MTMR9: variants seen among roughly 807,000 people sequenced by gnomAD.
MTMR9 encodes myotubularin-related protein 9.
A neutral mutation model predicts 69.5 loss-of-function variants in MTMR9; 39 were observed. That is an observed-to-expected ratio of 0.56 (90% CI 0.43 to 0.73). The LOEUF (loss-of-function observed/expected upper bound fraction) is 0.73. MTMR9 is among the 30% of genes least tolerant of loss of function. MTMR9 has a pLI of 0.00. For missense variants in MTMR9, 900 were observed against 671.2 expected (o/e 1.34, Z -3.77); for synonymous variants, 354 against 240.8 (o/e 1.47, Z -4.35).
At chr8:11,302,731 G>C (rs1799794415) in intron 3 of MTMR9, among the ~76,000 whole-genome samples, 1 of 152,050 alleles carries the variant, frequency 6.6e-6, no homozygotes, top group African/African-American at 2.4e-5. Context: ...AAAATACAGG[G>C]TATAGGGATT....
At chr8:11,309,726 G>T (rs182211800) in intron 6 of MTMR9, 38 bp downstream of exon 6, 5 of 1,601,446 alleles carry the variant, frequency 3.1e-6, no homozygotes, top group South Asian at 2.2e-5. Flanking sequence ...GAAACATGGC[G>T]CTGCTAACTA....
intron 1 of MTMR9, among the ~76,000 whole-genome samples, chr8:11,287,754 T>A (rs1460486998): frequency 1.5e-5 from 2 of 132,924 alleles, no homozygotes; most frequent in East Asian, 4.0e-4. Context: ...TCTTATATAT[T>A]TATTATTTAT....
At chr8:11,298,393 A>G (rs535304805) in intron 2 of MTMR9, among the ~76,000 whole-genome samples, 63 of 151,980 alleles carry the variant, frequency 4.1e-4, no homozygotes, top group African/African-American at 1.4e-3. Context: ...ATATATATAT[A>G]TATATTTATA....
intron 5 of MTMR9, 66 bp downstream of exon 5, chr8:11,306,473 C>T (rs532917556): frequency 2.2e-4 from 306 of 1,416,538 alleles, no homozygotes; most frequent in Non-Finnish European, 2.9e-4. Flanking sequence ...AGGCCTTAGC[C>T]ATTTGAAAAT....
At chr8:11,331,168 C>T, downstream of MTMR9, 1 of 1,613,102 alleles carries the variant, frequency 6.2e-7, no homozygotes, top group Non-Finnish European at 8.5e-7. Context: ...CCGCCCTCCG[C>T]TCCACCCAGC....
chr8:11,315,822 A>C (rs895072348), intron 7 of MTMR9: 3 of 152,258 alleles, frequency 2.0e-5, no homozygotes, highest in African/African-American at 4.8e-5. Flanking sequence ...TATATTCCTC[A>C]TGATGCATAG....
chr8:11,338,199 G>A, the MTMR9 span, among the ~76,000 whole-genome samples: 1 of 152,240 alleles, frequency 6.6e-6, no homozygotes, highest in Non-Finnish European at 1.5e-5. Flanking sequence ...AAGTGGGGAT[G>A]CCAGAACTTC....
At chr8:11,298,912 C>G (rs1250390366) in intron 2 of MTMR9, 14 of 979,346 alleles carry the variant, frequency 1.4e-5, no homozygotes, top group Non-Finnish European at 1.7e-5. Context: ...GAGTTATTGC[C>G]CCCATTTGAG....
chr8:11,338,642 G>T, the MTMR9 span, among the ~76,000 whole-genome samples: 1 of 152,198 alleles, frequency 6.6e-6, no homozygotes. Flanking sequence ...GGCAGCCAAG[G>T]AGGTCACTGC....
Position 11,306,312 on chromosome 8 carries a change from C to G in MTMR9, c.714C>G (p.Ser238=), listed in dbSNP as rs1434151799. The change falls in exon 5 of 10, where the codon TCC becomes TCG. Residue 238 remains serine, a synonymous_variant. Coordinates refer to ENST00000221086, the MANE Select transcript of MTMR9 (RefSeq NM_015458.4). ...GKRGYIIDTR[S]LNVAQQTRAK... Reference sequence around the variant, plus strand: ...GTGGCTACATCATTGACACCCGATCCCTGAACGTGGCTCAGCAAACTAGAG... The same window carrying G: ...GTGGCTACATCATTGACACCCGATCGCTGAACGTGGCTCAGCAAACTAGAG... 2.0e-5 allele frequency: 33 copies of G among 1,614,066 alleles called. No individual in the cohort carries two copies. The highest frequency in any genetic ancestry group is 2.6e-5 in the Non-Finnish European group (31 of 1,179,964).
chr8:11,314,809 T>C, intron 6 of MTMR9, 114 bp from the exon 7 acceptor site: 1 of 962,122 alleles, frequency 1.0e-6, no homozygotes, highest in East Asian at 2.4e-5. Context: ...ATACACTAAA[T>C]AAACTGAACT....
intron 3 of MTMR9, among the ~76,000 whole-genome samples, chr8:11,303,269 G>A (rs572939133): frequency 9.3e-5 from 14 of 150,750 alleles, no homozygotes; most frequent in African/African-American, 3.2e-4. Flanking sequence ...CAGTACATTT[G>A]GACCAACAGA....
At chr8:11,292,456 G>A (rs1799406942) in intron 1 of MTMR9, among the ~76,000 whole-genome samples, 1 of 152,156 alleles carries the variant, frequency 6.6e-6, no homozygotes, top group African/African-American at 2.4e-5. Flanking sequence ...ACATACCTAT[G>A]AGCAGTGTGT....
the MTMR9 span, among the ~76,000 whole-genome samples, chr8:11,339,453 G>T: frequency 2.0e-5 from 3 of 152,234 alleles, no homozygotes; most frequent in Non-Finnish European, 4.4e-5. Flanking sequence ...GAACAGGGAT[G>T]AGCAAACCCA....
At chr8:11,321,543 G>C (rs1800691214) in intron 9 of MTMR9, 1 of 455,532 alleles carries the variant, frequency 2.2e-6, no homozygotes, top group Non-Finnish European at 4.4e-6. Context: ...CTTGTTCTGT[G>C]GATTAAGTCC....
At chr8:11,294,275 G>C (rs1182133421) in intron 1 of MTMR9, among the ~76,000 whole-genome samples, 1 of 152,082 alleles carries the variant, frequency 6.6e-6, no homozygotes, top group East Asian at 1.9e-4. Flanking sequence ...TTGACTAGAA[G>C]TGGTGACAGT....
downstream of MTMR9, chr8:11,331,551 C>A: frequency 6.2e-7 from 1 of 1,613,804 alleles, no homozygotes; most frequent in Non-Finnish European, 8.5e-7. Flanking sequence ...CACCCTCTGC[C>A]TTGAGAGCCA....
chr8:11,326,994 A>G lies in MTMR9; in HGVS notation c.*4206A>G, dbSNP rs1205534223. 3 of 149,896 alleles carry G rather than the reference A, an allele frequency of 2.0e-5. No individual in the cohort carries two copies. The highest frequency in any genetic ancestry group is 4.4e-5 in the Non-Finnish European group (3 of 67,610). 9.3% of individuals were successfully genotyped at this position (149,896 alleles called of 1,614,324 possible). A position where few individuals can be genotyped will look rare whatever the true frequency, so the allele number is the denominator to read the frequency against. ...CAAAAAAAAAAAAAAAAAAAGACTC[A>G]TTTATCCATTTACATTTATTCTCAG... On this transcript the variant is annotated 3_prime_UTR_variant, in exon 10 of 10. Coordinates refer to ENST00000221086, the MANE Select transcript of MTMR9 (RefSeq NM_015458.4).
chr8:11,285,156 C>A, intron 1 of MTMR9, 86 bp downstream of exon 1: 1 of 1,329,576 alleles, frequency 7.5e-7, no homozygotes, highest in Non-Finnish European at 1.0e-6. Flanking sequence ...GTTTTCCGCG[C>A]AGCCTGCCGC....
Sources: allele counts gnomAD v4.1 joint callset (sites outside exome capture counted in the v4.1 genomes callset), GRCh38; gene constraint gnomAD v4.1.1; transcripts MANE v1.5; gene names NCBI Gene and HGNC (gene_info 2026-07-23, HGNC 2026-07-21).